Variants in LAPTM4A observed in about 807,000 individuals in gnomAD.
LAPTM4A encodes lysosomal protein transmembrane 4 alpha, also known as lysosomal-associated transmembrane protein 4A.
In LAPTM4A, 19 loss-of-function variants were observed where a neutral mutation model predicts 29.9. That is an observed-to-expected ratio of 0.64 (90% CI 0.44 to 0.93). The LOEUF is 0.93. Among genes scored for constraint, LAPTM4A ranks in the 40% least tolerant of loss-of-function variants. LAPTM4A has a pLI of 0.00. For synonymous variants in LAPTM4A, 105 were observed against 102.1 expected (o/e 1.03, Z -0.17); for missense variants, 293 against 288.5 (o/e 1.02, Z -0.11).
intron 5 of LAPTM4A, 23 bp downstream of exon 5, chr2:20,034,944 T>TA (rs747379406): frequency 1.3e-6 from 2 of 1,553,186 alleles, no homozygotes; most frequent in Non-Finnish European, 1.8e-6. Context: ...CAGTCACCCC[T>TA]AAAGATTTAG....
At position 20,037,576 on chromosome 2, in the gene LAPTM4A, A is replaced by G; in HGVS notation, c.271T>C (p.Phe91Leu). The change falls in exon 3 of 7, where the codon TTT becomes CTT. Residue 91 changes from phenylalanine (F) to leucine (L), a missense_variant. Coordinates refer to ENST00000175091, the MANE Select transcript of LAPTM4A (RefSeq NM_014713.5). ...CVLFAVSVLMFIISSMLVYGA... is the reference protein window; with the variant it reads ...CVLFAVSVLMLIISSMLVYGA... ...TAAACCAGCATTGAACTGATTATAA[A>G]CATAAGAACAGAGACGGCAAAAAGA... is the stretch of plus-strand genomic sequence containing the variant. The G allele has an allele frequency of 6.2e-7, 1 of 1,609,820 alleles. No homozygotes were observed. Among genetic ancestry groups the G allele is most frequent in the Non-Finnish European group, 8.5e-7 (1 of 1,178,438 alleles).
chr2:20,037,396 A>G lies in LAPTM4A; in HGVS notation c.352T>C (p.Phe118Leu), dbSNP rs751867229. ...WLIPFFCYRL[F>L]DFVLSCLVAI... ...ACCAGGCAACTGAGGACGAAGTCAA[A>G]AAGTCGGTAACAGAAGAATGGAATC... Residue 118 changes from phenylalanine to leucine, a missense_variant, in exon 4 of 7, where the codon TTT (phenylalanine) becomes CTT (leucine). Coordinates refer to ENST00000175091, the MANE Select transcript of LAPTM4A (RefSeq NM_014713.5). The G allele has an allele frequency of 1.9e-6, 3 of 1,613,032 alleles. No individual in the cohort carries two copies. Among genetic ancestry groups the G allele is most frequent in the Non-Finnish European group, 2.5e-6 (3 of 1,179,606 alleles).
chr2:20,036,778 G>C (rs1254295058), intron 4 of LAPTM4A, among the ~76,000 whole-genome samples: 1 of 152,220 alleles, frequency 6.6e-6, no homozygotes, highest in Admixed American at 6.5e-5. Context: ...GACATTAATC[G>C]AAGTTCCTTA....
rs1674070091 is a variant in LAPTM4A, at chr2:20,051,443, G to A, written c.78C>T (p.Arg26=). Residue 26 remains arginine, a synonymous_variant, in exon 1 of 7, where the codon CGC becomes CGT. Coordinates refer to ENST00000175091, the MANE Select transcript of LAPTM4A (RefSeq NM_014713.5). ...STRCCGCCHV[R]TGTIILGTWY... is the part of the protein sequence containing the mutation. ...AGGTCCCCAGGATGATCGTCCCGGT[G>A]CGGACATGGCAACAGCCGCAGCACC... 6.2e-7 allele frequency: 1 copy of A among 1,613,256 alleles called. No individual in the cohort carries two copies. Among genetic ancestry groups the A allele is most frequent in the South Asian group, 1.1e-5 (1 of 90,984 alleles).
intron 2 of LAPTM4A, 137 bp from the exon 3 acceptor site, chr2:20,037,751 TAA>T (rs57679180): frequency 0.11 from 37,869 of 355,322 alleles, 1 homozygote; most frequent in South Asian, 0.15. Context: ...GCCAAGAGGG[TAA>T]AAAAAAAAAA....
intron 1 of LAPTM4A, among the ~76,000 whole-genome samples, chr2:20,042,632 G>A (rs916428705): frequency 6.6e-6 from 1 of 152,224 alleles, no homozygotes; most frequent in Non-Finnish European, 1.5e-5. Flanking sequence ...GCTCTTTAGA[G>A]GAACAGCCTG....
At chr2:20,040,023 G>T (rs1204194423) in intron 2 of LAPTM4A, among the ~76,000 whole-genome samples, 1 of 152,064 alleles carries the variant, frequency 6.6e-6, no homozygotes, top group African/African-American at 2.4e-5. Context: ...TCCAGCCTGG[G>T]CAACAAGCGC....
intron 1 of LAPTM4A, among the ~76,000 whole-genome samples, chr2:20,043,332 A>G (rs1167847138): frequency 3.3e-5 from 5 of 149,950 alleles, no homozygotes; most frequent in African/African-American, 1.2e-4. Context: ...CTCACACCTC[A>G]GCCTCCCGAG....
At chr2:20,048,648 A>G (rs1445319345) in intron 1 of LAPTM4A, among the ~76,000 whole-genome samples, 1 of 152,230 alleles carries the variant, frequency 6.6e-6, no homozygotes, top group Non-Finnish European at 1.5e-5. Flanking sequence ...TCATCTCAGA[A>G]GTCTGTCCCA....
chr2:20,041,436 A>C (rs1271827208), intron 1 of LAPTM4A, among the ~76,000 whole-genome samples: 1 of 152,226 alleles, frequency 6.6e-6, no homozygotes, highest in Admixed American at 6.5e-5. Flanking sequence ...CAGAGAACTC[A>C]CTATTTCCTC....
Position 20,032,963 on chromosome 2 carries a change from G to T in LAPTM4A, c.*242C>A. On this transcript the variant is annotated 3_prime_UTR_variant, in exon 7 of 7. Coordinates refer to ENST00000175091, the MANE Select transcript of LAPTM4A (RefSeq NM_014713.5). ...ACCCCCCAATTAAAGGCAAACAATG[G>T]CACTTTGCTCTTGCTTAACCTAGAT... The T allele has an allele frequency of 4.2e-6, 2 of 481,022 alleles. No homozygotes were observed. 29.8% of individuals were successfully genotyped at this position (481,022 alleles called of 1,614,324 possible).
At chr2:20,046,906 G>A (rs1236174659) in intron 1 of LAPTM4A, among the ~76,000 whole-genome samples, 4 of 149,452 alleles carry the variant, frequency 2.7e-5, no homozygotes, top group African/African-American at 7.3e-5. Flanking sequence ...GATTACAGGC[G>A]TGAGCCACTG....
intron 1 of LAPTM4A, among the ~76,000 whole-genome samples, chr2:20,042,559 A>G (rs775857241): frequency 5.3e-5 from 8 of 152,260 alleles, no homozygotes; most frequent in Non-Finnish European, 7.3e-5. Context: ...AACAGAGGTG[A>G]GGACAAAGCT....
At chr2:20,041,649 C>T (rs572937648) in intron 1 of LAPTM4A, among the ~76,000 whole-genome samples, 1 of 152,276 alleles carries the variant, frequency 6.6e-6, no homozygotes, top group Non-Finnish European at 1.5e-5. Context: ...GATCCTCCCA[C>T]CTCAGCCACC....
chr2:20,051,136 C>T lies in LAPTM4A; in HGVS notation c.111+274G>A, dbSNP rs142302452. ...CACCCTCGTCCCTTCGCCTGCAAAG[C>T]CTCTGCTCTCCCAAGCCCGCTTCTC... On this transcript the variant is annotated intron_variant, in intron 1 of 6. Coordinates refer to ENST00000175091, the MANE Select transcript of LAPTM4A (RefSeq NM_014713.5). Among the ~76,000 whole-genome samples the T allele has an allele frequency of 7.4e-3, 1,129 of 152,292 alleles. 6 individuals are homozygous for T. The highest frequency in any genetic ancestry group is 0.013 in the Non-Finnish European group (851 of 68,014).
chr2:20,034,503 A>T, intron 5 of LAPTM4A, 88 bp from the exon 6 acceptor site: 1 of 888,070 alleles, frequency 1.1e-6, no homozygotes, highest in Non-Finnish European at 1.9e-6. Flanking sequence ...TGCTTTCCCC[A>T]CACATCCTCT....
At position 20,033,200 on chromosome 2, in the gene LAPTM4A, T is replaced by A; in HGVS notation, c.*5A>T. ...ATAGGATTTATTGTCAAAGGCAGAA[T>A]TTCTTCAGGCAGGTAAGTAAGGAGG... On this transcript the variant is annotated 3_prime_UTR_variant, in exon 7 of 7. Transcript: ENST00000175091. 4 of 1,612,798 alleles carry A rather than the reference T, an allele frequency of 2.5e-6. No individual in the cohort carries two copies. The highest frequency in any genetic ancestry group is 2.5e-6 in the Non-Finnish European group (3 of 1,178,760).
intron 1 of LAPTM4A, among the ~76,000 whole-genome samples, chr2:20,050,429 C>A (rs1008012776): frequency 1.3e-5 from 2 of 152,204 alleles, no homozygotes; most frequent in Non-Finnish European, 2.9e-5. Context: ...ACGTCACCCA[C>A]ACAACCACAT....
At chr2:20,046,818 GA>G (rs1673934820) in intron 1 of LAPTM4A, among the ~76,000 whole-genome samples, 2 of 128,124 alleles carry the variant, frequency 1.6e-5, no homozygotes, top group Non-Finnish European at 3.4e-5. Flanking sequence ...TTTTGGTAGA[GA>G]GGGGGTTTCG....
Sources: allele counts gnomAD v4.1 joint callset (sites outside exome capture counted in the v4.1 genomes callset), GRCh38; gene constraint gnomAD v4.1.1; transcripts MANE v1.5; gene names NCBI Gene and HGNC (gene_info 2026-07-23, HGNC 2026-07-21).